Variants in CFAP58 observed in about 807,000 individuals in gnomAD.
The protein encoded by CFAP58 is cilia- and flagella-associated protein 58.
A neutral mutation model predicts 119.5 loss-of-function variants in CFAP58; 88 were observed. The ratio of observed to expected loss-of-function variants is 0.74; its 90% confidence interval spans 0.62 to 0.88. CFAP58 has a LOEUF of 0.88. Among genes scored for constraint, CFAP58 ranks in the 40% least tolerant of loss-of-function variants. The pLI is 0.00. For synonymous variants in CFAP58, 365 were observed against 366.3 expected, an observed-to-expected ratio of 1.00 and a Z score of 0.04; for missense variants, 990 against 1,021.2, an observed-to-expected ratio of 0.97 and a Z score of 0.42.
intron 15 of CFAP58, among the ~76,000 whole-genome samples, chr10:104,428,803 A>G (rs2012795359): frequency 1.3e-5 from 2 of 152,112 alleles, no homozygotes; most frequent in African/African-American, 2.4e-5. Flanking sequence ...AGGCGGAGAG[A>G]GTTTAGGTAG....
chr10:104,411,375 T>A (rs1408945494), intron 15 of CFAP58, among the ~76,000 whole-genome samples: 1 of 152,244 alleles, frequency 6.6e-6, no homozygotes, highest in Non-Finnish European at 1.5e-5. Flanking sequence ...TTTTACATCC[T>A]TCCTTTATGT....
chr10:104,395,741 C>T (rs1389201479), intron 11 of CFAP58, among the ~76,000 whole-genome samples: 1 of 152,164 alleles, frequency 6.6e-6, no homozygotes, highest in African/African-American at 2.4e-5. Context: ...TTTCTAGTAA[C>T]TTTGCTCCAA....
intron 11 of CFAP58, 76 bp downstream of exon 11, chr10:104,393,551 C>T: frequency 7.0e-7 from 1 of 1,430,624 alleles, no homozygotes; most frequent in Non-Finnish European, 9.5e-7. Flanking sequence ...TCACTGAAGG[C>T]AGCCAGGGGC....
At chr10:104,429,968 A>G (rs1167655087) in intron 15 of CFAP58, among the ~76,000 whole-genome samples, 1 of 151,574 alleles carries the variant, frequency 6.6e-6, no homozygotes, top group Non-Finnish European at 1.5e-5. Context: ...AGGGGTCTGC[A>G]CCTGCAGAGT....
intron 15 of CFAP58, among the ~76,000 whole-genome samples, chr10:104,439,331 A>G (rs908966052): frequency 1.3e-5 from 2 of 152,196 alleles, no homozygotes; most frequent in African/African-American, 4.8e-5. Flanking sequence ...GAAAATGTGC[A>G]CTATAGTAGT....
At chr10:104,395,061 TA>T (rs1327830116) in intron 11 of CFAP58, among the ~76,000 whole-genome samples, 12 of 152,236 alleles carry the variant, frequency 7.9e-5, no homozygotes, top group Non-Finnish European at 1.6e-4. Context: ...AAAGATTAAT[TA>T]TTACTCCATA....
At chr10:104,381,715 T>C (rs2011807119) in intron 9 of CFAP58, among the ~76,000 whole-genome samples, 1 of 152,134 alleles carries the variant, frequency 6.6e-6, no homozygotes, top group African/African-American at 2.4e-5. Context: ...ACTTTACTGA[T>C]AGGAAGTCAG....
chr10:104,419,453 T>A (rs1476476469), intron 15 of CFAP58, among the ~76,000 whole-genome samples: 2 of 152,116 alleles, frequency 1.3e-5, no homozygotes, highest in East Asian at 3.8e-4. Flanking sequence ...AATGATACGG[T>A]CCCAAACGCA....
At chr10:104,364,624 G>A (rs2135253693) in intron 3 of CFAP58, 109 bp from the exon 4 acceptor site, 1 of 921,706 alleles carries the variant, frequency 1.1e-6, no homozygotes. Flanking sequence ...TCTGAATAGT[G>A]TTAATCATTG....
intron 6 of CFAP58, 88 bp downstream of exon 6, chr10:104,368,648 T>A: frequency 2.8e-6 from 4 of 1,409,534 alleles, no homozygotes; most frequent in Non-Finnish European, 4.0e-6. Flanking sequence ...TTGGAGAGCC[T>A]GTGTTGGCTC....
chr10:104,342,137 C>G, the CFAP58 span, among the ~76,000 whole-genome samples: 4 of 152,134 alleles, frequency 2.6e-5, no homozygotes, highest in African/African-American at 9.7e-5. Flanking sequence ...CAGGGCTGAT[C>G]AAAGGATATG....
chr10:104,372,337 A>T (rs1032386606), intron 7 of CFAP58, among the ~76,000 whole-genome samples: 9 of 152,216 alleles, frequency 5.9e-5, no homozygotes, highest in Admixed American at 2.0e-4. Context: ...TGGGTGACAC[A>T]GTGAGACTCT....
chr10:104,403,450 T>G (rs1198644363), intron 13 of CFAP58, among the ~76,000 whole-genome samples: 4 of 151,958 alleles, frequency 2.6e-5, no homozygotes, highest in African/African-American at 9.7e-5. Flanking sequence ...TTTGTTCTTT[T>G]CGTATACTTA....
rs148423614 is a variant in CFAP58 at position 104,454,494 on chromosome 10, C to T, written c.2583C>T (p.Gly861=). ...CAAATGGTCCTGGTTTTACTGGGGG[C>T]GGATTTCCTCTCAGGTCAACCAAAA... is the stretch of plus-strand genomic sequence containing the variant. ...VKPNGPGFTG[G]GFPLRSTKMT... The change falls in exon 18 of 18, where the codon GGC becomes GGT. Residue 861 remains glycine, a synonymous_variant. Coordinates refer to ENST00000369704, the MANE Select transcript of CFAP58 (RefSeq NM_001008723.2). The T allele has an allele frequency of 5.0e-4, 810 of 1,613,772 alleles. 1 individual carries two copies. Among genetic ancestry groups the T allele is most frequent in the Non-Finnish European group, 6.5e-4 (769 of 1,179,750 alleles).
intron 15 of CFAP58, among the ~76,000 whole-genome samples, chr10:104,430,364 G>C (rs2012825045): frequency 6.6e-6 from 1 of 152,198 alleles, no homozygotes; most frequent in African/African-American, 2.4e-5. Context: ...TCCAGTGATA[G>C]TCCACGGGGC....
intron 15 of CFAP58, among the ~76,000 whole-genome samples, chr10:104,422,799 C>T (rs1007609814): frequency 2.0e-5 from 3 of 152,182 alleles, no homozygotes; most frequent in Non-Finnish European, 4.4e-5. Context: ...ACCAATGTCC[C>T]ATTAGCCAAA....
chr10:104,353,875 G>A lies in CFAP58; in HGVS notation c.-23G>A, dbSNP rs756232343. 4 of 1,611,792 alleles carry A rather than the reference G, an allele frequency of 2.5e-6. No homozygotes were observed. In the East Asian group the frequency reaches 6.7e-5, roughly 27 times the overall value. Reference sequence around the variant, plus strand: ...CTGCGATCTCCACAGCAGCCTCTGAGGCCGCCCCCAGAGAGCATCAGGATG... The same window carrying A: ...CTGCGATCTCCACAGCAGCCTCTGAAGCCGCCCCCAGAGAGCATCAGGATG... On this transcript the variant is annotated 5_prime_UTR_variant, in exon 1 of 18. Coordinates refer to ENST00000369704, the MANE Select transcript of CFAP58 (RefSeq NM_001008723.2).
intron 15 of CFAP58, among the ~76,000 whole-genome samples, chr10:104,424,794 G>T (rs1459049018): frequency 6.6e-6 from 1 of 152,198 alleles, no homozygotes; most frequent in Non-Finnish European, 1.5e-5. Flanking sequence ...AAACTGCTGT[G>T]CATACCAAAA....
At chr10:104,357,856 T>TACACATATATACACATATATGC (rs2014576027) in intron 1 of CFAP58, among the ~76,000 whole-genome samples, 1 of 68,312 alleles carries the variant, frequency 1.5e-5, no homozygotes, top group Non-Finnish European at 3.5e-5. Context: ...TACACATATA[T>TACACATATATACACATATATGC]ACACATATAT....
Sources: gnomAD v4.1 joint callset for allele counts (sites outside exome capture counted in the v4.1 genomes callset) on GRCh38, gnomAD v4.1.1 for gene constraint, MANE v1.5 for transcripts, NCBI Gene and HGNC (gene_info 2026-07-23, HGNC 2026-07-21) for gene names.